NDRG2: variants seen among roughly 807,000 people sequenced by gnomAD.
NDRG2 encodes protein NDRG2.
Under a neutral mutation model 58.2 loss-of-function variants are expected in NDRG2, and 34 were observed. The ratio of observed to expected loss-of-function variants is 0.58; its 90% CI spans 0.44 to 0.78. The LOEUF (loss-of-function observed/expected upper bound fraction) is 0.78, where lower values mean the gene tolerates loss of function less well. Ranked by LOEUF, NDRG2 falls within the 30% of genes least tolerant of loss-of-function variation. The pLI is 0.00. For missense variants in NDRG2, 434 were observed against 471.2 expected, an observed-to-expected ratio of 0.92 and a Z score of 0.73; for synonymous variants, 187 against 175.9, an observed-to-expected ratio of 1.06 and a Z score of -0.50.
At chr14:21,019,019 G>A in intron 11 of NDRG2, 97 bp downstream of exon 11, 1 of 1,400,140 alleles carries the variant, frequency 7.1e-7, no homozygotes, top group Non-Finnish European at 9.8e-7. Context: ...ACATGACAAG[G>A]AAGTTCCCTG....
At chr14:21,043,726 C>A in intron 1 of NDRG2, 1 of 417,170 alleles carries the variant, frequency 2.4e-6, no homozygotes, top group South Asian at 4.5e-5. Context: ...TATGCCATTG[C>A]ACATGTCTCC....
In NDRG2 at chr14:21,057,436, C is replaced by CA. The variant is rs547716676; in HGVS notation, c.24+13391dup. 3.2e-3 allele frequency among the ~76,000 whole-genome samples: 410 copies of CA among 127,696 alleles called. 1 individual carries two copies. Among genetic ancestry groups the CA allele is most frequent in the South Asian group, 5.1e-3 (21 of 4,096 alleles). The allele number at this position is 127,696 out of a possible 152,430, so 83.8% of individuals were successfully genotyped here. A position where few individuals can be genotyped will look rare whatever the true frequency, so the allele number is the denominator to read the frequency against. On this transcript the variant is annotated intron_variant, in intron 1 of 14. Transcript: ENST00000403829. Reference sequence around the variant, plus strand: ...GGGCGACAAGAGCGAAACTCCATCTCAAAAAAAAAAAAAGATTTAGTTTCT... The same window carrying CA: ...GGGCGACAAGAGCGAAACTCCATCTCAAAAAAAAAAAAAAGATTTAGTTTCT...
chr14:21,031,055 G>T, intron 1 of NDRG2: 1 of 1,614,082 alleles, frequency 6.2e-7, no homozygotes, highest in Non-Finnish European at 8.5e-7. Flanking sequence ...GTTCAAAGAG[G>T]CAGTGAAGGA....
At chr14:21,025,214 GA>G, upstream of NDRG2, 1 of 865,712 alleles carries the variant, frequency 1.2e-6, no homozygotes, top group Non-Finnish European at 1.4e-6. The surrounding 1 kb of genome is among the most constrained non-coding windows in gnomAD (Gnocchi z 5.1). Flanking sequence ...TGCCGCTCAG[GA>G]AAGGGTTGTG....
At chr14:21,026,452 C>T (rs1360645065), upstream of NDRG2, among the ~76,000 whole-genome samples, 4 of 151,460 alleles carry the variant, frequency 2.6e-5, no homozygotes, top group Non-Finnish European at 5.9e-5. Context: ...CCAGCACCGA[C>T]TGCCCCCCCA....
upstream of NDRG2, chr14:21,030,690 T>A (rs765369850): frequency 1.2e-6 from 2 of 1,614,082 alleles, no homozygotes; most frequent in African/African-American, 2.7e-5. Context: ...GTGCAAAGAC[T>A]GTGGCATCAT....
Position 21,024,373 on chromosome 14 carries a change from G to A in NDRG2, c.-350C>T. 1 of 940,764 alleles carries A rather than the reference G, an allele frequency of 1.1e-6. No individual in the cohort carries two copies. The highest frequency in any genetic ancestry group is 1.3e-6 in the Non-Finnish European group (1 of 789,258). 58.3% of individuals were successfully genotyped at this position (940,764 alleles called of 1,614,324 possible). A position where few individuals can be genotyped will look rare whatever the true frequency, so the allele number is the denominator to read the frequency against. Reference sequence around the variant, plus strand: ...AGAGGGTGGCCCTGTCAGAACCTCCGGATTCGAATCCCGGCTCTGCCACTC... The same window carrying A: ...AGAGGGTGGCCCTGTCAGAACCTCCAGATTCGAATCCCGGCTCTGCCACTC... On this transcript the variant is annotated 5_prime_UTR_variant, in exon 1 of 16. Coordinates refer to ENST00000556147, the MANE Select transcript of NDRG2 (RefSeq NM_001320329.2).
chr14:21,043,257 G>T lies in NDRG2; in HGVS notation c.25-19936C>A, dbSNP rs374395689. The T allele has an allele frequency of 4.9e-5, 79 of 1,614,048 alleles. No individual in the cohort carries two copies. The highest frequency in any genetic ancestry group is 1.6e-4 in the Middle Eastern group (1 of 6,084). On this transcript the variant is annotated intron_variant, in intron 1 of 14. Transcript: ENST00000403829. ...CGCCACCTGCCAGACCCCCAAAATA[G>T]CCTGCAAGAATGGCGATAAAAACTG...
upstream of NDRG2, among the ~76,000 whole-genome samples, chr14:21,026,377 C>T (rs1269199254): frequency 2.0e-5 from 3 of 149,500 alleles, no homozygotes; most frequent in South Asian, 2.2e-4. Flanking sequence ...GTTGCCATTT[C>T]GGGGGCTGGG....
intron 1 of NDRG2, among the ~76,000 whole-genome samples, chr14:21,054,810 G>A (rs1885605495): frequency 6.6e-6 from 1 of 152,148 alleles, no homozygotes; most frequent in South Asian, 2.1e-4. Context: ...TGTACACAAA[G>A]CACAATGCTT....
intron 1 of NDRG2, chr14:21,058,006 TA>T: frequency 6.2e-7 from 1 of 1,613,980 alleles, no homozygotes; most frequent in Non-Finnish European, 8.5e-7. Flanking sequence ...CTCAGTGGTT[TA>T]AAACTCAGCA....
chr14:21,025,790 G>A (rs997027154), upstream of NDRG2: 1 of 838,170 alleles, frequency 1.2e-6, no homozygotes, highest in South Asian at 5.4e-5. This position sits in a 1 kb window ranked among gnomAD's most constrained non-coding sequence, Gnocchi z 5.1. Flanking sequence ...TAAATAGAGG[G>A]CGATCGCGGG....
intron 8 of NDRG2, 151 bp from the exon 9 acceptor site, chr14:21,020,127 C>T (rs928387764): frequency 7.7e-6 from 5 of 646,770 alleles, no homozygotes; most frequent in African/African-American, 7.3e-5. Flanking sequence ...AACCCCATCT[C>T]TACTAATAAT....
chr14:21,067,768 A>AC (rs1886349622), intron 1 of NDRG2, among the ~76,000 whole-genome samples: 1 of 151,578 alleles, frequency 6.6e-6, no homozygotes, highest in African/African-American at 2.4e-5. Context: ...ACGTACACAC[A>AC]CACACACACA....
chr14:21,017,918 C>G (rs1877677211), intron 15 of NDRG2, 69 bp downstream of exon 15: 2 of 1,613,160 alleles, frequency 1.2e-6, no homozygotes, highest in Non-Finnish European at 1.7e-6. Flanking sequence ...AGGCATTCAC[C>G]TAAAACGGTT....
At chr14:21,025,569 G>C (rs1883448347), upstream of NDRG2, 1 of 985,460 alleles carries the variant, frequency 1.0e-6, no homozygotes, top group Middle Eastern at 5.2e-4. This position sits in a 1 kb window ranked among gnomAD's most constrained non-coding sequence, Gnocchi z 5.1. Context: ...CTGAGGAGGC[G>C]GGGGTCTCGC....
chr14:21,067,483 C>A (rs775119649), intron 1 of NDRG2, among the ~76,000 whole-genome samples: 1 of 152,152 alleles, frequency 6.6e-6, no homozygotes, highest in Non-Finnish European at 1.5e-5. Flanking sequence ...AAGCCTCTGG[C>A]GTCAGACAGC....
At chr14:21,061,623 G>A (rs1284559847) in intron 1 of NDRG2, among the ~76,000 whole-genome samples, 1 of 152,192 alleles carries the variant, frequency 6.6e-6, no homozygotes, top group African/African-American at 2.4e-5. Flanking sequence ...TTGAGAAGGG[G>A]CTCCTCAGCC....
intron 1 of NDRG2, among the ~76,000 whole-genome samples, chr14:21,039,950 A>G (rs1338704652): frequency 6.6e-6 from 1 of 152,210 alleles, no homozygotes; most frequent in East Asian, 1.9e-4. Context: ...GGATAATGAG[A>G]AGTAGAAAGG....
Sources: allele counts gnomAD v4.1 joint callset (sites outside exome capture counted in the v4.1 genomes callset), GRCh38; gene constraint gnomAD v4.1.1; non-coding constraint Gnocchi (gnomAD v3.1); transcripts MANE v1.5; gene names NCBI Gene and HGNC (gene_info 2026-07-23, HGNC 2026-07-21).